The following MAML3 variants were observed in gnomAD, a reference collection of about 807,000 sequenced individuals.
MAML3 encodes the protein mastermind like transcriptional coactivator 3.
A neutral mutation model predicts 101.9 loss-of-function variants in MAML3; 27 were observed. The observed-to-expected ratio is 0.27, with a 90% confidence interval of 0.20 to 0.37. MAML3 has a LOEUF of 0.37. Ranked by LOEUF, MAML3 falls within the 10% of genes least tolerant of loss-of-function variation. The pLI is 1.00. For synonymous variants in MAML3, 501 were observed against 555.9 expected (o/e 0.90, Z 1.39); for missense variants, 1,316 against 1,444.9 (o/e 0.91, Z 1.45).
At chr4:139,736,626 T>C (rs1728958409) in intron 2 of MAML3, among the ~76,000 whole-genome samples, 1 of 152,178 alleles carries the variant, frequency 6.6e-6, no homozygotes, top group African/African-American at 2.4e-5. Flanking sequence ...GTATGGGCAA[T>C]TTGGGAAAAA....
In MAML3 at chr4:139,995,548, C is replaced by T. The variant is rs149595744; in HGVS notation, c.469-104581G>A. ...ATAGTTCTATCCTTTCTATTTCTTCCTGAGTCAGTTTTGGTGATGTGTATC... is the reference window on the plus strand; with the variant it reads ...ATAGTTCTATCCTTTCTATTTCTTCTTGAGTCAGTTTTGGTGATGTGTATC... On this transcript the variant is annotated intron_variant, in intron 1 of 4. Coordinates refer to ENST00000509479, the MANE Select transcript of MAML3 (RefSeq NM_018717.5). Among the ~76,000 whole-genome samples, 998 of 152,190 alleles carry T rather than the reference C, an allele frequency of 6.6e-3. 12 individuals carry two copies. The highest frequency in any genetic ancestry group is 0.023 in the African/African-American group (951 of 41,530).
intron 1 of MAML3, among the ~76,000 whole-genome samples, chr4:139,899,200 A>AT (rs543531074): frequency 5.3e-4 from 81 of 152,180 alleles, no homozygotes; most frequent in African/African-American, 1.4e-3. Flanking sequence ...TGGTGGTGTG[A>AT]TTTTTTTAAG....
rs540288237 is a variant in MAML3, at chr4:139,963,443, TTAAG to T, written c.469-72480_469-72477del. Among the ~76,000 whole-genome samples, 380 of 152,250 alleles carry T rather than the reference TTAAG, an allele frequency of 2.5e-3. 3 individuals carry two copies. The highest frequency in any genetic ancestry group is 3.8e-3 in the Admixed American group (58 of 15,288). ...GTAGCAAGGGTACAAAAACTAGTAATTAAGTAAGTGCAACTGGCCAGAAGTAGAA... is the reference window on the plus strand; with the variant it reads ...GTAGCAAGGGTACAAAAACTAGTAATTAAGTGCAACTGGCCAGAAGTAGAA... On this transcript the variant is annotated intron_variant, in intron 1 of 4. Coordinates refer to ENST00000509479, the MANE Select transcript of MAML3 (RefSeq NM_018717.5).
chr4:139,810,110 T>G (rs190722244), intron 2 of MAML3, among the ~76,000 whole-genome samples: 2 of 152,052 alleles, frequency 1.3e-5, no homozygotes, highest in African/African-American at 4.8e-5. Flanking sequence ...ACATTTTTTT[T>G]GACTTGTGAT....
chr4:139,929,908 G>A (rs1250950423), intron 1 of MAML3, among the ~76,000 whole-genome samples: 1 of 152,180 alleles, frequency 6.6e-6, no homozygotes, highest in Non-Finnish European at 1.5e-5. Flanking sequence ...CTGCAGACCC[G>A]TCAGCTATAA....
intron 1 of MAML3, among the ~76,000 whole-genome samples, chr4:139,931,069 C>T (rs1192879724): frequency 6.6e-6 from 1 of 151,948 alleles, no homozygotes; most frequent in Non-Finnish European, 1.5e-5. Context: ...GGCTCGTGTC[C>T]CAAGTTGTTG....
At chr4:139,912,090 TG>T (rs1732936375) in intron 1 of MAML3, among the ~76,000 whole-genome samples, 1 of 152,226 alleles carries the variant, frequency 6.6e-6, no homozygotes, top group Non-Finnish European at 1.5e-5. Context: ...TTGGATCTTA[TG>T]GTAATTCTGT....
At chr4:139,721,358 T>C (rs906528804) in intron 4 of MAML3, among the ~76,000 whole-genome samples, 13 of 152,234 alleles carry the variant, frequency 8.5e-5, no homozygotes, top group Admixed American at 3.3e-4. Flanking sequence ...CAAAAACGGA[T>C]TTTTCTATGT....
chr4:139,888,604 T>G (rs1204787409), intron 2 of MAML3: 1 of 519,032 alleles, frequency 1.9e-6, no homozygotes, highest in Admixed American at 1.9e-5. Context: ...TTGCTGCTCA[T>G]TTTTTACCAT....
Position 139,863,343 on chromosome 4 carries a change from CTTTTTTTT to C in MAML3, c.2079+26006_2079+26013del, listed in dbSNP as rs11439880. ...CACATTACACACTTTTTCCTGTGCC[CTTTTTTTT>C]TTTTTTTTTTCCTTTTGAGACAGAG... On this transcript the variant is annotated intron_variant, in intron 2 of 4. Transcript: ENST00000509479. Among the ~76,000 whole-genome samples the C allele has an allele frequency of 1.1e-4, 13 of 120,552 alleles. No individual in the cohort carries two copies. In the East Asian group the frequency reaches 2.4e-3, roughly 22 times the overall value. The allele number at this position is 120,552 out of a possible 152,430, so 79.1% of individuals were successfully genotyped here.
chr4:139,783,202 G>A (rs67168842), intron 2 of MAML3, among the ~76,000 whole-genome samples: 27,163 of 152,136 alleles, frequency 0.18, 2,650 homozygotes, highest in Non-Finnish European at 0.2. Flanking sequence ...AAATGGATAC[G>A]TGTTGCCTGT....
intron 2 of MAML3, among the ~76,000 whole-genome samples, chr4:139,875,216 T>A (rs371941702): frequency 5.6e-5 from 8 of 142,928 alleles, no homozygotes; most frequent in African/African-American, 2.1e-4. Context: ...TGTTGTGGCT[T>A]CAGAGCTGAC....
At chr4:139,753,733 C>T (rs1325671351) in intron 2 of MAML3, among the ~76,000 whole-genome samples, 1 of 152,136 alleles carries the variant, frequency 6.6e-6, no homozygotes. Context: ...CAAAGCTTAG[C>T]CCCACTCATT....
intron 1 of MAML3, among the ~76,000 whole-genome samples, chr4:140,074,252 A>AGAAAGAAG (rs1727729405): frequency 6.7e-6 from 1 of 150,178 alleles, no homozygotes; most frequent in African/African-American, 2.5e-5. Flanking sequence ...AAAGAAAGAA[A>AGAAAGAAG]GAAAGAAAGA....
chr4:139,980,465 G>C (rs1353020444), intron 1 of MAML3, among the ~76,000 whole-genome samples: 2 of 152,124 alleles, frequency 1.3e-5, no homozygotes, highest in Non-Finnish European at 2.9e-5. Flanking sequence ...TTAGACCCAG[G>C]CTGATTTACT....
At chr4:139,913,407 A>G (rs1194340349) in intron 1 of MAML3, among the ~76,000 whole-genome samples, 1 of 152,164 alleles carries the variant, frequency 6.6e-6, no homozygotes, top group Non-Finnish European at 1.5e-5. Context: ...AAATTTCTAA[A>G]TCTGTCTGCT....
chr4:139,954,391 G>C (rs1037040036), intron 1 of MAML3, among the ~76,000 whole-genome samples: 1 of 152,152 alleles, frequency 6.6e-6, no homozygotes, highest in African/African-American at 2.4e-5. Context: ...AGAAAAGGTG[G>C]GATAGAAAAC....
At chr4:139,870,923 A>G (rs952283245) in intron 2 of MAML3, among the ~76,000 whole-genome samples, 1 of 152,254 alleles carries the variant, frequency 6.6e-6, no homozygotes, top group Non-Finnish European at 1.5e-5. Context: ...GAAAGAAAGG[A>G]AAAGAAGTAT....
Position 140,000,830 on chromosome 4 carries a change from C to T in MAML3, c.469-109863G>A, listed in dbSNP as rs531261541. On this transcript the variant is annotated intron_variant, in intron 1 of 4. Coordinates refer to ENST00000509479, the MANE Select transcript of MAML3 (RefSeq NM_018717.5). ...ATCACCTGAGGTCAGGAGTTCAAGA[C>T]CAGCCTGACCCACATGGAGAAACCC... Among the ~76,000 whole-genome samples the T allele has an allele frequency of 2.4e-3, 371 of 152,152 alleles. 3 individuals carry two copies. Among genetic ancestry groups the T allele is most frequent in the African/African-American group, 8.7e-3 (360 of 41,518 alleles).
Sources: gnomAD v4.1 joint callset for allele counts (sites outside exome capture counted in the v4.1 genomes callset) on GRCh38, gnomAD v4.1.1 for gene constraint, MANE v1.5 for transcripts, NCBI Gene and HGNC (gene_info 2026-07-23, HGNC 2026-07-21) for gene names.